Variants in CNTNAP2 observed in about 807,000 individuals in gnomAD.
CNTNAP2 encodes contactin-associated protein-like 2.
CNTNAP2 carries 98 observed loss-of-function variants against 155.2 expected under a neutral mutation model. The observed-to-expected ratio is 0.63, with a 90% CI of 0.54 to 0.75. The LOEUF (loss-of-function observed/expected upper bound fraction) is 0.75, where lower values mean the gene tolerates loss of function less well. Among genes scored for constraint, CNTNAP2 ranks in the 30% least tolerant of loss-of-function variants. CNTNAP2 has a pLI of 0.00. For missense variants in CNTNAP2, 1,727 were observed against 1,688.1 expected, an observed-to-expected ratio of 1.02 and a Z score of -0.40; for synonymous variants, 651 against 631.2, an observed-to-expected ratio of 1.03 and a Z score of -0.47.
intron 4 of CNTNAP2, among the ~76,000 whole-genome samples, chr7:147,065,557 A>G (rs1254143303): frequency 6.6e-6 from 1 of 152,204 alleles, no homozygotes; most frequent in Non-Finnish European, 1.5e-5. Context: ...TTAGTGGCAG[A>G]CACAGATTTG....
At chr7:146,567,253 C>T (rs201506802) in intron 1 of CNTNAP2, among the ~76,000 whole-genome samples, 1 of 152,014 alleles carries the variant, frequency 6.6e-6, no homozygotes, top group East Asian at 1.9e-4. Context: ...TCTTTATCAA[C>T]AAAAGTTATT....
At chr7:147,572,380 G>A (rs1404591635) in intron 12 of CNTNAP2, among the ~76,000 whole-genome samples, 1 of 149,834 alleles carries the variant, frequency 6.7e-6, no homozygotes, top group Non-Finnish European at 1.5e-5. Context: ...GGGGGTACAA[G>A]ACCCCAGGTG....
chr7:148,313,359 C>T (rs906364306), intron 21 of CNTNAP2, among the ~76,000 whole-genome samples: 1 of 151,644 alleles, frequency 6.6e-6, no homozygotes, highest in African/African-American at 2.4e-5. Flanking sequence ...AGTCAGAGAG[C>T]CTTAGGCCAG....
chr7:147,347,451 TATATGC>T (rs1287330296), intron 9 of CNTNAP2, among the ~76,000 whole-genome samples: 49 of 48,484 alleles, frequency 1.0e-3, no homozygotes, highest in African/African-American at 3.2e-3. Context: ...CATATATATA[TATATGC>T]ATATATATAT....
chr7:147,309,637 C>T (rs1416893461), intron 9 of CNTNAP2, among the ~76,000 whole-genome samples: 2 of 152,082 alleles, frequency 1.3e-5, no homozygotes, highest in African/African-American at 2.4e-5. Flanking sequence ...ACATTTTAAG[C>T]AGTACCTGAT....
chr7:146,394,947 G>A (rs1048724618), intron 1 of CNTNAP2, among the ~76,000 whole-genome samples: 5 of 152,024 alleles, frequency 3.3e-5, no homozygotes, highest in African/African-American at 1.2e-4. Context: ...ATGATCATGT[G>A]TACACATTAT....
chr7:148,013,853 G>A (rs1802125688), intron 15 of CNTNAP2, among the ~76,000 whole-genome samples: 2 of 152,126 alleles, frequency 1.3e-5, no homozygotes, highest in Non-Finnish European at 2.9e-5. Context: ...GGAATTTCTT[G>A]GTGGCAGTTG....
intron 1 of CNTNAP2, among the ~76,000 whole-genome samples, chr7:146,305,709 A>C (rs951814669): frequency 6.6e-6 from 1 of 152,194 alleles, no homozygotes; most frequent in African/African-American, 2.4e-5. Context: ...GAGAACAAAG[A>C]CACAACATAC....
At position 148,404,329 on chromosome 7, in the gene CNTNAP2, T is replaced by C. The variant is rs567142618; in HGVS notation, c.3716-5062T>C. Among the ~76,000 whole-genome samples the C allele has an allele frequency of 3.5e-4, 53 of 152,292 alleles. No homozygotes were observed. In the South Asian group the frequency reaches 0.01, roughly 29 times the overall value. On this transcript the variant is annotated intron_variant, in intron 22 of 23. Coordinates refer to ENST00000361727, the MANE Select transcript of CNTNAP2 (RefSeq NM_014141.6). Reference sequence around the variant, plus strand: ...GAGAAAAGGGACACACAGTCTGAGGTCGCTGAGGATACTTTCAGGAAAGTG... The same window carrying C: ...GAGAAAAGGGACACACAGTCTGAGGCCGCTGAGGATACTTTCAGGAAAGTG...
chr7:147,189,754 G>GTTC (rs927582691), intron 8 of CNTNAP2, among the ~76,000 whole-genome samples: 16 of 151,524 alleles, frequency 1.1e-4, no homozygotes, highest in African/African-American at 3.6e-4. Flanking sequence ...TTTTTTTGTT[G>GTTC]TTGTTGTTGA....
At chr7:147,165,439 C>A (rs1053424466) in intron 8 of CNTNAP2, among the ~76,000 whole-genome samples, 3 of 152,076 alleles carry the variant, frequency 2.0e-5, no homozygotes, top group African/African-American at 7.2e-5. Flanking sequence ...GATTTTCTCC[C>A]AGTCTGTGGG....
chr7:146,815,726 C>T (rs190676279), intron 2 of CNTNAP2, among the ~76,000 whole-genome samples: 129 of 151,842 alleles, frequency 8.5e-4, no homozygotes, highest in African/African-American at 2.9e-3. Context: ...TCCCTGTGCA[C>T]GTTTTGAAGA....
chr7:146,842,188 T>C (rs1803741035), intron 3 of CNTNAP2, among the ~76,000 whole-genome samples: 1 of 152,002 alleles, frequency 6.6e-6, no homozygotes, highest in South Asian at 2.1e-4. Context: ...CACCTGGCCT[T>C]GGACTCTTGA....
intron 21 of CNTNAP2, among the ~76,000 whole-genome samples, chr7:148,294,564 G>T (rs9640521): frequency 0.63 from 96,479 of 151,998 alleles, 31,463 homozygotes; most frequent in South Asian, 0.83. Context: ...CTTTGCCATT[G>T]TGATTAACTA....
rs191504473 is a variant in CNTNAP2 at position 147,839,897 on chromosome 7, G to A, written c.2099-63668G>A. Among the ~76,000 whole-genome samples the A allele has an allele frequency of 2.4e-3, 358 of 151,584 alleles. 1 individual carries two copies. The highest frequency in any genetic ancestry group is 8.3e-3 in the African/African-American group (340 of 41,204). The stretch of plus-strand genomic sequence containing the variant: ...GTGGTGTATATATGTGTGTGTGTGT[G>A]TATATATATGTGTGTGTGTGTGCTG... On this transcript the variant is annotated intron_variant, in intron 13 of 23. Transcript: ENST00000361727.
In CNTNAP2 at chr7:148,304,686, C is replaced by T. The variant is rs554984823; in HGVS notation, c.3475+37560C>T. ...TGGCTGCACAGTGGGCTGTCCTTTACCGTCTCCTAGGCTACTCCTTGAGTT... is the reference window on the plus strand; with the variant it reads ...TGGCTGCACAGTGGGCTGTCCTTTATCGTCTCCTAGGCTACTCCTTGAGTT... On this transcript the variant is annotated intron_variant, in intron 21 of 23. Transcript: ENST00000361727. Among the ~76,000 whole-genome samples the T allele has an allele frequency of 1.7e-4, 26 of 152,250 alleles. 1 individual carries two copies. The highest frequency in any genetic ancestry group is 1.5e-3 in the Admixed American group (23 of 15,286).
intron 10 of CNTNAP2, among the ~76,000 whole-genome samples, chr7:147,414,738 G>T (rs543088469): frequency 6.6e-6 from 1 of 151,762 alleles, no homozygotes; most frequent in Non-Finnish European, 1.5e-5. Flanking sequence ...TCAGGAGATC[G>T]AGACTATCCT....
At chr7:146,285,161 TC>T (rs953159162) in intron 1 of CNTNAP2, among the ~76,000 whole-genome samples, 1 of 152,152 alleles carries the variant, frequency 6.6e-6, no homozygotes, top group Non-Finnish European at 1.5e-5. Context: ...AAAATTGTCC[TC>T]CCTTTACTTT....
intron 18 of CNTNAP2, among the ~76,000 whole-genome samples, chr7:148,199,722 A>T (rs1419706339): frequency 2.0e-5 from 3 of 152,230 alleles, no homozygotes; most frequent in Non-Finnish European, 4.4e-5. Flanking sequence ...CAATAGGTTT[A>T]TGTGTTAGTC....
Sources: gnomAD v4.1 joint callset for allele counts (sites outside exome capture counted in the v4.1 genomes callset) on GRCh38, gnomAD v4.1.1 for gene constraint, MANE v1.5 for transcripts, NCBI Gene and HGNC (gene_info 2026-07-23, HGNC 2026-07-21) for gene names.